The following SEMA6D variants were observed in gnomAD, a reference collection of about 807,000 sequenced individuals.
SEMA6D encodes semaphorin 6D, also known as semaphorin-6D.
SEMA6D carries 35 observed loss-of-function variants against 106.6 expected under a neutral mutation model. That is an observed-to-expected ratio of 0.33 (90% CI 0.25 to 0.44). SEMA6D has a LOEUF of 0.44. Among genes scored for constraint, SEMA6D ranks in the 20% least tolerant of loss-of-function variants. The probability of loss-of-function intolerance (pLI) is 1.00; values close to 1 mark genes in which losing one functional copy is unlikely to be tolerated. For synonymous variants in SEMA6D, 499 were observed against 487.7 expected (o/e 1.02, Z -0.31); for missense variants, 1,185 against 1,345.9 (o/e 0.88, Z 1.87).
At chr15:47,651,733 A>G (rs900822023) in intron 4 of SEMA6D, among the ~76,000 whole-genome samples, 1 of 152,250 alleles carries the variant, frequency 6.6e-6, no homozygotes, top group African/African-American at 2.4e-5. Flanking sequence ...TGTGATGTTC[A>G]TCTCAGCAAT....
intron 3 of SEMA6D, among the ~76,000 whole-genome samples, chr15:47,537,042 GA>G: frequency 6.6e-6 from 1 of 152,316 alleles, no homozygotes; most frequent in Middle Eastern, 3.4e-3. Context: ...GGTGGTATAA[GA>G]AGCATCTTAG....
At chr15:47,279,339 G>A (rs1040691766) in intron 1 of SEMA6D, among the ~76,000 whole-genome samples, 2 of 121,370 alleles carry the variant, frequency 1.6e-5, no homozygotes, top group Non-Finnish European at 3.2e-5. Context: ...TCTGTTATTG[G>A]TGTATGAGAA....
intron 4 of SEMA6D, among the ~76,000 whole-genome samples, chr15:47,711,167 G>A (rs996397262): frequency 6.6e-5 from 10 of 151,536 alleles, no homozygotes; most frequent in African/African-American, 2.4e-5. Flanking sequence ...AAAATTAGCC[G>A]GGCGTAGTGG....
At chr15:47,402,951 C>G (rs1006909534) in intron 1 of SEMA6D, among the ~76,000 whole-genome samples, 12 of 152,108 alleles carry the variant, frequency 7.9e-5, no homozygotes, top group African/African-American at 2.4e-4. Context: ...GAGCCTGCAG[C>G]ACTGTTCTCA....
chr15:47,442,551 A>G lies in SEMA6D; in HGVS notation c.-158-27923A>G, dbSNP rs144216258. Among the ~76,000 whole-genome samples the G allele has an allele frequency of 3.9e-5, 6 of 152,212 alleles. No individual in the cohort carries two copies. In the East Asian group the frequency reaches 1.2e-3, roughly 30 times the overall value. ...TCTTTCCTCATAATGACTGAGGGTA[A>G]TGTCTGCGTTAGATAGCTGTAGTAT... is the stretch of plus-strand genomic sequence containing the variant. On this transcript the variant is annotated intron_variant, in intron 2 of 19. Coordinates refer to the SEMA6D transcript ENST00000558014.
intron 4 of SEMA6D, among the ~76,000 whole-genome samples, chr15:47,694,808 A>T (rs148666920): frequency 6.6e-6 from 1 of 152,118 alleles, no homozygotes; most frequent in Non-Finnish European, 1.5e-5. Context: ...TCATTTTTCT[A>T]TGATAGTGAC....
chr15:47,591,685 GT>G (rs1482902345), intron 3 of SEMA6D, among the ~76,000 whole-genome samples: 1 of 152,168 alleles, frequency 6.6e-6, no homozygotes, highest in African/African-American at 2.4e-5. Flanking sequence ...AAAAACACCT[GT>G]TTCATTGTAT....
At chr15:47,697,482 A>C (rs1360786347) in intron 4 of SEMA6D, among the ~76,000 whole-genome samples, 1 of 152,158 alleles carries the variant, frequency 6.6e-6, no homozygotes, top group Admixed American at 6.6e-5. Context: ...GAAAGGCTGT[A>C]GCAATTTTGC....
intron 1 of SEMA6D, among the ~76,000 whole-genome samples, chr15:47,244,439 A>C (rs577176693): frequency 1.5e-4 from 23 of 152,320 alleles, no homozygotes; most frequent in African/African-American, 5.5e-4. Context: ...CCATTTCTTG[A>C]TTATAAGCAT....
intron 2 of SEMA6D, among the ~76,000 whole-genome samples, chr15:47,434,227 A>G (rs2041630101): frequency 6.6e-6 from 1 of 152,140 alleles, no homozygotes; most frequent in Non-Finnish European, 1.5e-5. Context: ...GAACAAGGTA[A>G]CTGTGTGGTT....
intron 1 of SEMA6D, among the ~76,000 whole-genome samples, chr15:47,281,913 T>G (rs2035141738): frequency 1.3e-5 from 2 of 152,156 alleles, no homozygotes; most frequent in South Asian, 4.1e-4. Context: ...ATAAGGATAT[T>G]AAAGCATATA....
chr15:47,375,655 C>A (rs958596300), intron 1 of SEMA6D, among the ~76,000 whole-genome samples: 4 of 152,110 alleles, frequency 2.6e-5, no homozygotes, highest in African/African-American at 9.7e-5. Context: ...TCTATTGACC[C>A]AGTTACAATT....
At chr15:47,348,727 C>CACCACACACACAGAGAG (rs1450109233) in intron 1 of SEMA6D, among the ~76,000 whole-genome samples, 2 of 57,120 alleles carry the variant, frequency 3.5e-5, no homozygotes, top group African/African-American at 9.9e-5. Context: ...ACCACACACA[C>CACCACACACACAGAGAG]AGAGAGAGAG....
chr15:47,551,673 C>CTGTGTGTGTGTGTGTGTGTGTGTG (rs3050565), intron 3 of SEMA6D, among the ~76,000 whole-genome samples: 5,552 of 141,250 alleles, frequency 0.039, 177 homozygotes, highest in Admixed American at 0.056. Flanking sequence ...ATCTGGGACT[C>CTGTGTGTGTGTGTGTGTGTGTGTG]TGTGTGTGTG....
chr15:47,466,264 G>A (rs1169858181), intron 2 of SEMA6D, among the ~76,000 whole-genome samples: 1 of 152,086 alleles, frequency 6.6e-6, no homozygotes, highest in Non-Finnish European at 1.5e-5. Context: ...TCAGAACTTA[G>A]TTCATTTTAT....
At chr15:47,205,319 T>G (rs1367158154) in intron 1 of SEMA6D, among the ~76,000 whole-genome samples, 1 of 152,218 alleles carries the variant, frequency 6.6e-6, no homozygotes, top group Non-Finnish European at 1.5e-5. Context: ...TGTCCTTCTA[T>G]ATATTTCTTT....
intron 1 of SEMA6D, among the ~76,000 whole-genome samples, chr15:47,300,707 G>A (rs1300040462): frequency 6.6e-6 from 1 of 152,142 alleles, no homozygotes; most frequent in African/African-American, 2.4e-5. Context: ...TTTTTAAAGA[G>A]GCTCAGGGAA....
At chr15:47,662,722 CTT>C (rs1458432876) in intron 4 of SEMA6D, among the ~76,000 whole-genome samples, 1 of 152,138 alleles carries the variant, frequency 6.6e-6, no homozygotes, top group East Asian at 1.9e-4. Flanking sequence ...GGATACCACT[CTT>C]TGCAAACTTT....
chr15:47,196,008 G>A (rs1168370716), intron 1 of SEMA6D, among the ~76,000 whole-genome samples: 4 of 129,154 alleles, frequency 3.1e-5, no homozygotes, highest in African/African-American at 1.1e-4. Context: ...AGTTATCAAT[G>A]AAGGGGAAAG....
Sources: gnomAD v4.1 joint callset for allele counts (sites outside exome capture counted in the v4.1 genomes callset) on GRCh38, gnomAD v4.1.1 for gene constraint, MANE v1.5 for transcripts, NCBI Gene and HGNC (gene_info 2026-07-23, HGNC 2026-07-21) for gene names.